Variants in SDK2 observed in about 807,000 individuals in gnomAD.
SDK2 encodes sidekick cell adhesion molecule 2, also known as protein sidekick-2.
In SDK2, 105 loss-of-function variants were observed where a neutral mutation model predicts 253.9. The observed-to-expected ratio is 0.41, with a 90% CI of 0.35 to 0.49. The LOEUF is 0.49. Ranked by LOEUF, SDK2 falls within the 20% of genes least tolerant of loss-of-function variation. The probability of loss-of-function intolerance (pLI) is 0.06; values close to 1 mark genes in which losing one functional copy is unlikely to be tolerated. For synonymous variants in SDK2, 1,249 were observed against 1,234.9 expected (o/e 1.01, Z -0.24); for missense variants, 2,608 against 3,003.0 (o/e 0.87, Z 3.07).
intron 2 of SDK2, among the ~76,000 whole-genome samples, chr17:73,495,035 C>T (rs1020842889): frequency 5.9e-5 from 9 of 152,238 alleles, no homozygotes; most frequent in African/African-American, 9.6e-5. Context: ...GTACCTGCCC[C>T]GGGCTGAGGA....
At chr17:73,390,214 G>A (rs2062915349) in intron 29 of SDK2, 73 bp downstream of exon 29, 8 of 1,303,236 alleles carry the variant, frequency 6.1e-6, no homozygotes, top group Non-Finnish European at 6.2e-6. Flanking sequence ...CCATCCACTA[G>A]GAACAGCTCA....
At chr17:73,559,931 T>C (rs1297261507) in intron 1 of SDK2, among the ~76,000 whole-genome samples, 3 of 152,210 alleles carry the variant, frequency 2.0e-5, no homozygotes, top group Non-Finnish European at 4.4e-5. Flanking sequence ...GCATTTCCTC[T>C]GTATCTTTAG....
intron 3 of SDK2, among the ~76,000 whole-genome samples, chr17:73,460,662 T>C (rs557902012): frequency 3.3e-5 from 5 of 152,334 alleles, no homozygotes; most frequent in African/African-American, 1.2e-4. Flanking sequence ...AACAGAGCAG[T>C]TGAGCACTTA....
chr17:73,549,013 C>T (rs536023176), intron 1 of SDK2, among the ~76,000 whole-genome samples: 6 of 152,366 alleles, frequency 3.9e-5, no homozygotes, highest in South Asian at 2.1e-4. Context: ...TGAAGAGACA[C>T]GTCAAGGACT....
intron 1 of SDK2, among the ~76,000 whole-genome samples, chr17:73,562,793 G>C (rs2045256821): frequency 6.6e-6 from 1 of 152,236 alleles, no homozygotes; most frequent in Non-Finnish European, 1.5e-5. Flanking sequence ...TGCTGGAAAT[G>C]CCACGTCTGC....
At chr17:73,579,782 G>C (rs1198555286) in intron 1 of SDK2, among the ~76,000 whole-genome samples, 2 of 152,094 alleles carry the variant, frequency 1.3e-5, no homozygotes, top group African/African-American at 4.8e-5. Flanking sequence ...TTCAAGACCA[G>C]CCTGGCCAAC....
At chr17:73,620,065 G>A (rs144260032) in intron 1 of SDK2, among the ~76,000 whole-genome samples, 206 of 152,226 alleles carry the variant, frequency 1.4e-3, no homozygotes, top group African/African-American at 4.8e-3. Flanking sequence ...TGGGTGTGGT[G>A]GCATGTGCCC....
At chr17:73,412,015 T>C (rs1232207559) in intron 18 of SDK2, among the ~76,000 whole-genome samples, 3,072 of 55,744 alleles carry the variant, frequency 0.055, 161 homozygotes, top group African/African-American at 0.18. Context: ...TATATGTAGA[T>C]ATACGTATAT....
Position 73,361,876 on chromosome 17 carries a change from C to A in SDK2, c.5306-31G>T, listed in dbSNP as rs564167432. The A allele has an allele frequency of 2.4e-4, 370 of 1,543,630 alleles. No homozygotes were observed. The highest frequency in any genetic ancestry group is 4.0e-4 in the South Asian group (34 of 84,602). Reference sequence around the variant, plus strand: ...GGAGGCACAGCAAGTGGGGACTGGGCACAGGGCCCACCGAGGGCACTGGAG... The same window carrying A: ...GGAGGCACAGCAAGTGGGGACTGGGAACAGGGCCCACCGAGGGCACTGGAG... On this transcript the variant is annotated intron_variant, in intron 38 of 44. Transcript: ENST00000392650. This position sits in a 1 kb window ranked among gnomAD's most constrained non-coding sequence, Gnocchi z 4.1.
chr17:73,387,561 A>G (rs1486494217), intron 30 of SDK2, among the ~76,000 whole-genome samples: 1 of 152,244 alleles, frequency 6.6e-6, no homozygotes, highest in Non-Finnish European at 1.5e-5. Context: ...GAAGGATGAC[A>G]GGCACTTCAC....
At position 73,350,778 on chromosome 17, in the gene SDK2, T is replaced by C. The variant is rs769454639; in HGVS notation, c.5771A>G (p.Asn1924Ser). 1.2e-6 allele frequency: 2 copies of C among 1,608,560 alleles called. No homozygotes were observed. Among genetic ancestry groups the C allele is most frequent in the South Asian group, 1.1e-5 (1 of 90,850 alleles). Residue 1924 changes from asparagine (N) to serine (S), a missense_variant, in exon 42 of 45, where the codon AAC becomes AGC. Coordinates refer to ENST00000392650, the MANE Select transcript of SDK2 (RefSeq NM_001144952.2). The stretch of plus-strand genomic sequence containing the variant: ...GAACCACCACTCCTCATAGAAGGGG[T>C]TGGCTTTCTGGGCTGGAGCACAGAT... ...PSQSVPAQKA[N>S]PFYEEWWFLV...
At chr17:73,351,343 C>G (rs2062536730) in intron 41 of SDK2, among the ~76,000 whole-genome samples, 1 of 152,208 alleles carries the variant, frequency 6.6e-6, no homozygotes, top group African/African-American at 2.4e-5. Flanking sequence ...CTCCTGACCT[C>G]AGGTGATCCA....
chr17:73,635,111 G>A (rs575779527), intron 1 of SDK2, among the ~76,000 whole-genome samples: 6 of 151,878 alleles, frequency 4.0e-5, no homozygotes, highest in East Asian at 1.9e-4. Flanking sequence ...TCAGCCTCTC[G>A]AGTAGCTGGA....
intron 18 of SDK2, among the ~76,000 whole-genome samples, chr17:73,409,661 G>C (rs1456999534): frequency 6.6e-6 from 1 of 151,782 alleles, no homozygotes; most frequent in Non-Finnish European, 1.5e-5. Flanking sequence ...AAACACAAAA[G>C]GGGAAAAATG....
At chr17:73,597,146 C>T (rs377538562) in intron 1 of SDK2, among the ~76,000 whole-genome samples, 18 of 152,216 alleles carry the variant, frequency 1.2e-4, no homozygotes, top group African/African-American at 3.4e-4. Flanking sequence ...TCCTTTAACA[C>T]GTATTCTCCT....
rs910599632 is a variant in SDK2 at position 73,441,056 on chromosome 17, A to T, written c.614-133T>A. ...CAGGTGGCCATGGGGGCAGCCCCAGAGCAGACCTCCAGACACTGACCCCAG... is the reference window on the plus strand; with the variant it reads ...CAGGTGGCCATGGGGGCAGCCCCAGTGCAGACCTCCAGACACTGACCCCAG... On this transcript the variant is annotated intron_variant, in intron 5 of 44. Transcript: ENST00000392650. 59 of 647,762 alleles carry T rather than the reference A, an allele frequency of 9.1e-5. No individual in the cohort carries two copies. The Admixed American group carries it at 1.6e-3, about 18-fold the overall frequency. The allele number at this position is 647,762 out of a possible 1,614,324, so 40.1% of individuals were successfully genotyped here.
At chr17:73,532,491 G>C (rs1003666540) in intron 1 of SDK2, among the ~76,000 whole-genome samples, 1 of 152,196 alleles carries the variant, frequency 6.6e-6, no homozygotes, top group South Asian at 2.1e-4. Context: ...AGGTGGCAGG[G>C]GAGGAGGCTA....
Position 73,398,175 on chromosome 17 carries a change from G to T in SDK2, c.3214C>A (p.Arg1072Ser). The T allele has an allele frequency of 3.7e-6, 6 of 1,612,116 alleles. No individual in the cohort carries two copies. The highest frequency in any genetic ancestry group is 4.2e-6 in the Non-Finnish European group (5 of 1,179,012). Reference protein sequence around the residue: ...NPFTCYSFRMRQVNIVGTSPP... With the variant: ...NPFTCYSFRMSQVNIVGTSPP... ...CTGGTGCCCACGATGTTCACCTGGC[G>T]CATGCGGAAGCTGGGGTTGGGGAGA... The change falls in exon 24 of 45, where the codon CGC becomes AGC. Residue 1072 changes from arginine to serine, a missense_variant. Arg to Ser is a moderately radical substitution (Grantham distance 110, BLOSUM62 -1). This residue lies in a region of SDK2 where 1,505 missense variants were observed against 1,859.1 expected (regional missense o/e 0.81). Coordinates refer to ENST00000392650, the MANE Select transcript of SDK2 (RefSeq NM_001144952.2).
chr17:73,395,146 G>A lies in SDK2; in HGVS notation c.3592+9C>T, dbSNP rs755227285. 11 of 1,573,008 alleles carry A rather than the reference G, an allele frequency of 7.0e-6. No homozygotes were observed. The highest frequency in any genetic ancestry group is 1.8e-5 in the Admixed American group (1 of 54,436). Reference sequence around the variant, plus strand: ...GGCAGCAGGGTGGCTGGGTGTGAGGGGTTGGTACCTGACTCCCGGGTCCTG... The same window carrying A: ...GGCAGCAGGGTGGCTGGGTGTGAGGAGTTGGTACCTGACTCCCGGGTCCTG... On this transcript the variant is annotated intron_variant, in intron 25 of 44. Coordinates refer to ENST00000392650, the MANE Select transcript of SDK2 (RefSeq NM_001144952.2). This position sits in a 1 kb window ranked among gnomAD's most constrained non-coding sequence, Gnocchi z 4.3.
Sources: allele counts gnomAD v4.1 joint callset (sites outside exome capture counted in the v4.1 genomes callset), GRCh38; gene constraint gnomAD v4.1.1; regional missense constraint gnomAD v4.1.1; non-coding constraint Gnocchi (gnomAD v3.1); transcripts MANE v1.5; gene names NCBI Gene and HGNC (gene_info 2026-07-23, HGNC 2026-07-21).